The following PIK3R5 variants were observed in gnomAD, a reference collection of about 807,000 sequenced individuals.
PIK3R5 encodes the protein phosphoinositide-3-kinase regulatory subunit 5.
PIK3R5 carries 32 observed loss-of-function variants against 94.9 expected under a neutral mutation model. The observed-to-expected ratio is 0.34, with a 90% CI of 0.25 to 0.45. The LOEUF is 0.45. Among genes scored for constraint, PIK3R5 ranks in the 20% least tolerant of loss-of-function variants. PIK3R5 has a pLI of 1.00. For missense variants in PIK3R5, 853 were observed against 1,144.6 expected (o/e 0.75, Z 3.68); for synonymous variants, 443 against 479.4 (o/e 0.92, Z 0.99).
rs1430914012 is a variant in PIK3R5, at chr17:8,888,684, C to T, written c.1103G>A (p.Gly368Glu). 1.2e-6 allele frequency: 2 copies of T among 1,613,946 alleles called. No individual in the cohort carries two copies. Among genetic ancestry groups the T allele is most frequent in the African/African-American group, 1.3e-5 (1 of 75,056 alleles). The change falls in exon 10 of 19, where the codon GGG (glycine) becomes GAG (glutamate). Residue 368 changes from glycine (G) to glutamate (E), a missense_variant. Transcript: ENST00000447110. This position sits in a 1 kb window ranked among gnomAD's most constrained non-coding sequence, Gnocchi z 7.8. ...TLSLASSQAS[G>E]PALSRHLLTS... Reference sequence around the variant, plus strand: ...CAGCAGATGGCGCGAGAGGGCCGGCCCCGAGGCCTGGGAGGATGCAAGGGA... The same window carrying T: ...CAGCAGATGGCGCGAGAGGGCCGGCTCCGAGGCCTGGGAGGATGCAAGGGA...
At chr17:8,923,363 T>C (rs2090792682) in intron 1 of PIK3R5, among the ~76,000 whole-genome samples, 2 of 152,218 alleles carry the variant, frequency 1.3e-5, no homozygotes, top group Non-Finnish European at 2.9e-5. Flanking sequence ...GAAAGCTTAC[T>C]ATGTGGCAGG....
At chr17:8,956,481 G>A (rs1381569536) in intron 1 of PIK3R5, among the ~76,000 whole-genome samples, 2 of 152,136 alleles carry the variant, frequency 1.3e-5, no homozygotes, top group African/African-American at 4.8e-5. Flanking sequence ...ACTCCCAGGT[G>A]GTCAGAATCA....
rs1320990964 is a variant in PIK3R5, at chr17:8,942,982, A to ACACACACACACG, written c.-14+22613_-14+22614insCGTGTGTGTGTG. Among the ~76,000 whole-genome samples the ACACACACACACG allele has an allele frequency of 2.3e-4, 35 of 151,906 alleles. 1 individual carries two copies. The East Asian group carries it at 6.8e-3, about 29-fold the overall frequency. On this transcript the variant is annotated intron_variant, in intron 1 of 18. Transcript: ENST00000447110. ...ACGTCATACACACACACACACACACACACACACTTTGCTAAAACATTTGAA... is the reference window on the plus strand; with the variant it reads ...ACGTCATACACACACACACACACACACACACACACACGCACACACTTTGCTAAAACATTTGAA...
At position 8,896,136 on chromosome 17, in the gene PIK3R5, T is replaced by C. The variant is rs544851518; in HGVS notation, c.413-2481A>G. Among the ~76,000 whole-genome samples the C allele has an allele frequency of 9.8e-5, 15 of 152,322 alleles. No homozygotes were observed. The highest frequency in any genetic ancestry group is 3.6e-4 in the African/African-American group (15 of 41,578). ...TTTGAGCCTGGCTTAGAGATTGTAC[T>C]GCCGAGTCCCCATTTGCTGGTATGT... On this transcript the variant is annotated intron_variant, in intron 5 of 18. Transcript: ENST00000447110. The surrounding 1 kb of genome is among the most constrained non-coding windows in gnomAD (Gnocchi z 4.0).
intron 1 of PIK3R5, among the ~76,000 whole-genome samples, chr17:8,936,325 A>C (rs931277542): frequency 5.3e-5 from 8 of 152,208 alleles, no homozygotes; most frequent in Admixed American, 4.6e-4. Context: ...GTACAATTCT[A>C]TGAGTTTCTC....
intron 1 of PIK3R5, among the ~76,000 whole-genome samples, chr17:8,960,531 T>G (rs189504318): frequency 6.6e-6 from 1 of 152,386 alleles, no homozygotes; most frequent in Non-Finnish European, 1.5e-5. Flanking sequence ...GTGCGCTCCA[T>G]GCAGAAGTGT....
At chr17:8,961,476 A>G (rs2091562763) in intron 1 of PIK3R5, among the ~76,000 whole-genome samples, 1 of 152,126 alleles carries the variant, frequency 6.6e-6, no homozygotes, top group Non-Finnish European at 1.5e-5. Flanking sequence ...CTCTACTAAA[A>G]ATACAAAAAT....
rs10491087 is a variant in PIK3R5, at chr17:8,947,671, C to A, written c.-14+17925G>T. ...AGCCAGTGTGACTTCCTGGGGCATA[C>A]GTCAAGATGGAATCAAGGTCCCCAA... On this transcript the variant is annotated intron_variant, in intron 1 of 18. Coordinates refer to ENST00000447110, the MANE Select transcript of PIK3R5 (RefSeq NM_001142633.3). Among the ~76,000 whole-genome samples, 334 of 152,104 alleles carry A rather than the reference C, an allele frequency of 2.2e-3. 1 individual carries two copies. Among genetic ancestry groups the A allele is most frequent in the African/African-American group, 7.3e-3 (303 of 41,474 alleles).
At position 8,911,563 on chromosome 17, in the gene PIK3R5, T is replaced by C; in HGVS notation, c.-13-56A>G. On this transcript the variant is annotated intron_variant, in intron 1 of 18. Coordinates refer to ENST00000447110, the MANE Select transcript of PIK3R5 (RefSeq NM_001142633.3). The surrounding 1 kb of genome is among the most constrained non-coding windows in gnomAD (Gnocchi z 5.3). The stretch of plus-strand genomic sequence containing the variant: ...TCGAGCTCCTTTCCCAGAGAGCACC[T>C]GGTCCAGTAAAGACAACAGGTGCTC... 1.1e-5 allele frequency: 13 copies of C among 1,194,410 alleles called. No homozygotes were observed. The highest frequency in any genetic ancestry group is 1.6e-5 in the Non-Finnish European group (13 of 827,984). The allele number at this position is 1,194,410 out of a possible 1,614,324, so 74.0% of individuals were successfully genotyped here. A position where few individuals can be genotyped will look rare whatever the true frequency, so the allele number is the denominator to read the frequency against.
chr17:8,954,597 C>T (rs1466965573), intron 1 of PIK3R5, among the ~76,000 whole-genome samples: 1 of 152,196 alleles, frequency 6.6e-6, no homozygotes, highest in Non-Finnish European at 1.5e-5. Flanking sequence ...TGCTCTCAGA[C>T]TTAGCTAACT....
intron 1 of PIK3R5, among the ~76,000 whole-genome samples, chr17:8,939,732 G>A (rs111550420): frequency 1.3e-5 from 2 of 152,274 alleles, no homozygotes; most frequent in African/African-American, 4.8e-5. Flanking sequence ...CCAAGTTCAC[G>A]GATGCCTGGC....
chr17:8,922,656 T>C (rs1241210475), intron 1 of PIK3R5, among the ~76,000 whole-genome samples: 1 of 152,158 alleles, frequency 6.6e-6, no homozygotes, highest in Non-Finnish European at 1.5e-5. Context: ...TGGCTGAGTT[T>C]CCATTGTTGG....
At chr17:8,907,388 G>T (rs1364400189) in intron 3 of PIK3R5, among the ~76,000 whole-genome samples, 1 of 151,992 alleles carries the variant, frequency 6.6e-6, no homozygotes, top group Non-Finnish European at 1.5e-5. Flanking sequence ...TACATATTTT[G>T]CAATGAACAC....
In PIK3R5 at chr17:8,888,012, A is replaced by AATG. The variant is rs1408051799; in HGVS notation, c.1616+158_1616+159insCAT. On this transcript the variant is annotated intron_variant, in intron 10 of 18. Transcript: ENST00000447110. The surrounding 1 kb of genome is among the most constrained non-coding windows in gnomAD (Gnocchi z 7.8). ...CAAGACTCTGTCTCAAAATAATAAT[A>AATG]ATAATAATAATAATAATAATAATAA... Among the ~76,000 whole-genome samples, 1 of 127,884 alleles carries AATG rather than the reference A, an allele frequency of 7.8e-6. No individual in the cohort carries two copies. Among genetic ancestry groups the AATG allele is most frequent in the Non-Finnish European group, 1.5e-5 (1 of 65,208 alleles). 83.9% of individuals were successfully genotyped at this position (127,884 alleles called of 152,430 possible).
chr17:8,905,138 C>CT (rs1597391446), intron 4 of PIK3R5, among the ~76,000 whole-genome samples: 1 of 84,556 alleles, frequency 1.2e-5, no homozygotes, highest in East Asian at 2.5e-4. Context: ...GAGGGACTTG[C>CT]TTTACCCAAT....
In PIK3R5 at chr17:8,888,162, G is replaced by A. The variant is rs201712414; in HGVS notation, c.1616+9C>T. ...AGGGCAGAGGGATGCTCCGCATTAC[G>A]GCTCTTACCGAAGGTTGCTGTACGC... On this transcript the variant is annotated intron_variant, in intron 10 of 18. Transcript: ENST00000447110. This position sits in a 1 kb window ranked among gnomAD's most constrained non-coding sequence, Gnocchi z 7.8. 3.0e-5 allele frequency: 48 copies of A among 1,612,872 alleles called. No individual in the cohort carries two copies. The highest frequency in any genetic ancestry group is 2.2e-4 in the East Asian group (10 of 44,878).
chr17:8,934,078 A>AG (rs1223063079), intron 1 of PIK3R5, among the ~76,000 whole-genome samples: 2 of 152,214 alleles, frequency 1.3e-5, no homozygotes, highest in African/African-American at 4.8e-5. Context: ...ATTGTTCTGG[A>AG]GGTCATAGCC....
rs776996485 is a variant in PIK3R5, at chr17:8,911,365, A to G, written c.103+27T>C. 1 of 1,580,370 alleles carries G rather than the reference A, an allele frequency of 6.3e-7. No individual in the cohort carries two copies. The highest frequency in any genetic ancestry group is 1.7e-4 in the Middle Eastern group (1 of 5,752). On this transcript the variant is annotated intron_variant, in intron 2 of 18. Coordinates refer to ENST00000447110, the MANE Select transcript of PIK3R5 (RefSeq NM_001142633.3). The surrounding 1 kb of genome is among the most constrained non-coding windows in gnomAD (Gnocchi z 5.3). Reference sequence around the variant, plus strand: ...CCCTGAGGCTTCCTTGAGCCCTCAAACACCTCCCCGGCTCCCTTGGACCGA... The same window carrying G: ...CCCTGAGGCTTCCTTGAGCCCTCAAGCACCTCCCCGGCTCCCTTGGACCGA...
intron 1 of PIK3R5, among the ~76,000 whole-genome samples, chr17:8,931,596 T>A (rs2151441623): frequency 6.6e-6 from 1 of 152,280 alleles, no homozygotes; most frequent in South Asian, 2.1e-4. Flanking sequence ...AATTGGAGTT[T>A]GGAACTCTAC....
Sources: allele counts gnomAD v4.1 joint callset (sites outside exome capture counted in the v4.1 genomes callset), GRCh38; gene constraint gnomAD v4.1.1; non-coding constraint Gnocchi (gnomAD v3.1); transcripts MANE v1.5; gene names NCBI Gene and HGNC (gene_info 2026-07-23, HGNC 2026-07-21).